The following CCDC138 variants were observed in gnomAD, a reference collection of about 807,000 sequenced individuals.
CCDC138 encodes the protein coiled-coil domain containing 138.
Under a neutral mutation model 82.3 loss-of-function variants are expected in CCDC138, and 66 were observed. The ratio of observed to expected loss-of-function variants is 0.80; its 90% CI spans 0.66 to 0.98. The LOEUF (loss-of-function observed/expected upper bound fraction) is 0.98, where lower values mean the gene tolerates loss of function less well. Among genes scored for constraint, CCDC138 ranks in the 50% least tolerant of loss-of-function variants. CCDC138 has a pLI of 0.00. For missense variants in CCDC138, 816 were observed against 758.9 expected, an observed-to-expected ratio of 1.08 and a Z score of -0.88; for synonymous variants, 297 against 265.4, an observed-to-expected ratio of 1.12 and a Z score of -1.16.
intron 10 of CCDC138, among the ~76,000 whole-genome samples, chr2:108,829,802 A>G (rs1574107903): frequency 6.6e-6 from 1 of 152,200 alleles, no homozygotes; most frequent in African/African-American, 2.4e-5. Context: ...AGGATGTCAG[A>G]AAGTGGAATC....
At chr2:108,845,217 A>AT (rs939945142) in intron 11 of CCDC138, among the ~76,000 whole-genome samples, 1 of 151,994 alleles carries the variant, frequency 6.6e-6, no homozygotes, top group Admixed American at 6.6e-5. Flanking sequence ...AAAAACATGT[A>AT]TTTTTTTTCT....
At position 108,876,092 on chromosome 2, in the gene CCDC138, A is replaced by G; in HGVS notation, c.1837A>G (p.Asn613Asp). Reference sequence around the variant, plus strand: ...ATGTATTCATTTTTTTTACAGGAGTAATAAGAAGCTCTTTGAACTTTTTAC... The same window carrying G: ...ATGTATTCATTTTTTTTACAGGAGTGATAAGAAGCTCTTTGAACTTTTTAC... ...ILQKLSKIKS[N>D]KKLFELFTIH... Residue 613 changes from asparagine (N) to aspartate (D), a missense_variant, in exon 15 of 15, where the codon AAT (asparagine) becomes GAT (aspartate). Asn to Asp is a conservative substitution (Grantham distance 23). Coordinates refer to ENST00000295124, the MANE Select transcript of CCDC138 (RefSeq NM_144978.3). The G allele has an allele frequency of 6.3e-7, 1 of 1,580,880 alleles. No homozygotes were observed. The highest frequency in any genetic ancestry group is 1.1e-5 in the South Asian group (1 of 89,808).
intron 6 of CCDC138, among the ~76,000 whole-genome samples, chr2:108,800,643 ATAC>A (rs1681774978): frequency 4.9e-5 from 2 of 40,704 alleles, no homozygotes; most frequent in Non-Finnish European, 8.9e-5. Context: ...TTTTTTAATT[ATAC>A]TTTAAGTTTT....
Position 108,798,479 on chromosome 2 carries a change from C to G in CCDC138, c.628C>G (p.Arg210Gly). Residue 210 changes from arginine to glycine, a missense_variant, in exon 6 of 15, where the codon CGT becomes GGT. Physicochemically the swap from Arg to Gly is moderately radical, Grantham distance 125 (BLOSUM62 -2). Coordinates refer to ENST00000295124, the MANE Select transcript of CCDC138 (RefSeq NM_144978.3). ...KFAEELQKRE[R>G]FLLEREQLLF... ...TGCTGAAGAACTTCAAAAGCGAGAA[C>G]GTTTTTTACTTGAAAGAGAACAACT... The G allele has an allele frequency of 6.2e-7, 1 of 1,613,648 alleles. No homozygotes were observed. Among genetic ancestry groups the G allele is most frequent in the East Asian group, 2.2e-5 (1 of 44,838 alleles).
intron 12 of CCDC138, among the ~76,000 whole-genome samples, chr2:108,852,991 T>A (rs1221761481): frequency 6.6e-6 from 1 of 152,240 alleles, no homozygotes; most frequent in Non-Finnish European, 1.5e-5. Flanking sequence ...TCAAAGTTAA[T>A]ATTTTTGAAA....
At chr2:108,865,206 C>T (rs1321716921) in intron 13 of CCDC138, among the ~76,000 whole-genome samples, 1 of 152,016 alleles carries the variant, frequency 6.6e-6, no homozygotes, top group Non-Finnish European at 1.5e-5. Context: ...TGCATAATTT[C>T]TTCAATTAAA....
At chr2:108,855,660 T>C (rs1339444529) in intron 12 of CCDC138, among the ~76,000 whole-genome samples, 2 of 152,134 alleles carry the variant, frequency 1.3e-5, no homozygotes, top group Non-Finnish European at 2.9e-5. Flanking sequence ...AAAAATGGAG[T>C]GTACTATAAT....
In CCDC138 at chr2:108,787,362, C is replaced by T. The variant is rs1465439885; in HGVS notation, c.93+447C>T. ...ACATTGGCTTTACCATTCGTTCTCT[C>T]CCCTTCCCTCCCTACAAACGCATTT... On this transcript the variant is annotated intron_variant, in intron 1 of 14. Transcript: ENST00000295124. 2.6e-5 allele frequency among the ~76,000 whole-genome samples: 4 copies of T among 152,210 alleles called. No individual in the cohort carries two copies. In the East Asian group the frequency reaches 7.7e-4, roughly 29 times the overall value.
At chr2:108,844,012 C>T (rs1199826971) in intron 11 of CCDC138, among the ~76,000 whole-genome samples, 3 of 148,450 alleles carry the variant, frequency 2.0e-5, no homozygotes, top group Non-Finnish European at 4.5e-5. Flanking sequence ...CGGTCATGTA[C>T]TACCTTACCT....
At chr2:108,796,783 A>G (rs1005052529) in intron 5 of CCDC138, among the ~76,000 whole-genome samples, 1 of 152,174 alleles carries the variant, frequency 6.6e-6, no homozygotes, top group South Asian at 2.1e-4. Context: ...TGGGTCTCAT[A>G]GAAATAGAGA....
chr2:108,798,570 T>C lies in CCDC138; in HGVS notation c.719T>C (p.Phe240Ser). The C allele has an allele frequency of 6.2e-7, 1 of 1,608,800 alleles. No individual in the cohort carries two copies. The highest frequency in any genetic ancestry group is 8.5e-7 in the Non-Finnish European group (1 of 1,177,784). ...KGVEEEVLTR[F>S]QIIKEQHDAE... Reference sequence around the variant, plus strand: ...GTTGAAGAAGAGGTTCTTACAAGATTTCAAATTATAAAAGAGGTAACTATA... The same window carrying C: ...GTTGAAGAAGAGGTTCTTACAAGATCTCAAATTATAAAAGAGGTAACTATA... Residue 240 changes from phenylalanine (F) to serine (S), a missense_variant, in exon 6 of 15, where the codon TTT (phenylalanine) becomes TCT (serine). By Grantham distance (155) the Phe-to-Ser change is radical. Transcript: ENST00000295124.
Position 108,876,343 on chromosome 2 carries a change from TATC to T in CCDC138, c.*92_*94del. 2.9e-6 allele frequency: 2 copies of T among 679,158 alleles called. No individual in the cohort carries two copies. Among genetic ancestry groups the T allele is most frequent in the Admixed American group, 5.4e-5 (2 of 37,272 alleles). The allele number at this position is 679,158 out of a possible 1,614,324, so 42.1% of individuals were successfully genotyped here. A position where few individuals can be genotyped will look rare whatever the true frequency, so the allele number is the denominator to read the frequency against. On this transcript the variant is annotated 3_prime_UTR_variant, in exon 15 of 15. Coordinates refer to ENST00000295124, the MANE Select transcript of CCDC138 (RefSeq NM_144978.3). ...TAACTACAATTCTACCAAGTAAAGT[TATC>T]AGTAGCATCATTTATCATGAAAAAT... is the stretch of plus-strand genomic sequence containing the variant.
intron 10 of CCDC138, among the ~76,000 whole-genome samples, chr2:108,823,298 A>G (rs908804285): frequency 6.6e-6 from 1 of 152,234 alleles, no homozygotes; most frequent in East Asian, 1.9e-4. Context: ...TGTGGGGCCT[A>G]CATTACCCTG....
intron 9 of CCDC138, among the ~76,000 whole-genome samples, chr2:108,813,975 GTTCC>G (rs375409664): frequency 2.0e-5 from 3 of 152,232 alleles, no homozygotes; most frequent in African/African-American, 7.2e-5. Flanking sequence ...ATCAGAGTTT[GTTCC>G]TTCATTCTTC....
At chr2:108,845,062 G>A (rs1428320471) in intron 11 of CCDC138, among the ~76,000 whole-genome samples, 1 of 151,682 alleles carries the variant, frequency 6.6e-6, no homozygotes, top group Non-Finnish European at 1.5e-5. Context: ...TTTTTTTCAA[G>A]TTTATTTTTT....
At chr2:108,850,685 T>G (rs1691323740) in intron 12 of CCDC138, among the ~76,000 whole-genome samples, 1 of 152,112 alleles carries the variant, frequency 6.6e-6, no homozygotes, top group Non-Finnish European at 1.5e-5. Context: ...ACTCCTGACC[T>G]CATGATCTGC....
chr2:108,843,543 G>A (rs567843332), intron 11 of CCDC138, among the ~76,000 whole-genome samples: 51 of 152,214 alleles, frequency 3.4e-4, no homozygotes, highest in Admixed American at 6.5e-4. Flanking sequence ...TATTTTCACT[G>A]GGTATCAGAT....
At chr2:108,787,884 A>G in intron 1 of CCDC138, 148 bp from the exon 2 acceptor site, 2 of 642,324 alleles carry the variant, frequency 3.1e-6, no homozygotes, top group Non-Finnish European at 5.1e-6. Context: ...ATTATTGATG[A>G]TATTAGTTTT....
chr2:108,807,916 T>C (rs1683141579), intron 7 of CCDC138, among the ~76,000 whole-genome samples: 1 of 152,142 alleles, frequency 6.6e-6, no homozygotes, highest in African/African-American at 2.4e-5. Flanking sequence ...GCCCCTCCTA[T>C]CCAGTTCTAA....
Sources: gnomAD v4.1 joint callset for allele counts (sites outside exome capture counted in the v4.1 genomes callset) on GRCh38, gnomAD v4.1.1 for gene constraint, MANE v1.5 for transcripts, NCBI Gene and HGNC (gene_info 2026-07-23, HGNC 2026-07-21) for gene names.